The following KCNH1 variants were observed in gnomAD, a reference collection of about 807,000 sequenced individuals.
KCNH1 encodes the protein potassium voltage-gated channel subfamily H member 1.
A neutral mutation model predicts 69.2 loss-of-function variants in KCNH1; 27 were observed. The observed-to-expected ratio is 0.39, with a 90% CI of 0.29 to 0.54. KCNH1 has a LOEUF of 0.54. KCNH1 is among the 20% of genes least tolerant of loss of function. The pLI, the probability that KCNH1 is intolerant of heterozygous loss-of-function variation, is 0.68. For synonymous variants in KCNH1, 456 were observed against 487.7 expected (o/e 0.93, Z 0.86); for missense variants, 798 against 1,261.6 (o/e 0.63, Z 5.57).
At chr1:210,703,664 C>T (rs995455540) in intron 10 of KCNH1, among the ~76,000 whole-genome samples, 1 of 152,182 alleles carries the variant, frequency 6.6e-6, no homozygotes, top group Non-Finnish European at 1.5e-5. Context: ...TAAATGCTGC[C>T]TTCCTAACTA....
chr1:210,994,236 T>A (rs556607230), intron 6 of KCNH1, among the ~76,000 whole-genome samples: 61 of 152,330 alleles, frequency 4.0e-4, no homozygotes, highest in Admixed American at 1.3e-3. Context: ...TTCTGTAGAC[T>A]TGTTTTTTCT....
chr1:210,965,722 G>A (rs1019926609), intron 6 of KCNH1, among the ~76,000 whole-genome samples: 2 of 152,104 alleles, frequency 1.3e-5, no homozygotes, highest in Non-Finnish European at 2.9e-5. Context: ...ACTGCTCAAG[G>A]AAATAAGAGA....
intron 6 of KCNH1, among the ~76,000 whole-genome samples, chr1:210,946,256 T>G (rs1687956464): frequency 6.6e-6 from 1 of 152,110 alleles, no homozygotes; most frequent in Non-Finnish European, 1.5e-5. Flanking sequence ...CTGTGGGAAC[T>G]TAGGGAGCAC....
chr1:211,016,906 C>G, intron 6 of KCNH1, among the ~76,000 whole-genome samples: 1 of 13,924 alleles, frequency 7.2e-5, no homozygotes, highest in Admixed American at 8.8e-4. Flanking sequence ...AAGACTCTGT[C>G]TCAAAAAAAA....
intron 10 of KCNH1, among the ~76,000 whole-genome samples, chr1:210,706,375 C>A (rs1255780151): frequency 6.6e-6 from 1 of 152,208 alleles, no homozygotes; most frequent in Non-Finnish European, 1.5e-5. Flanking sequence ...TTAATATTTG[C>A]AGGAGCAAAA....
chr1:210,846,484 A>G (rs1455136279), intron 7 of KCNH1, among the ~76,000 whole-genome samples: 5 of 152,154 alleles, frequency 3.3e-5, no homozygotes, highest in Non-Finnish European at 7.4e-5. Flanking sequence ...TGGGGAAAGG[A>G]TTCCCTATTT....
At chr1:210,777,871 T>C (rs1382499398) in intron 9 of KCNH1, among the ~76,000 whole-genome samples, 1 of 152,238 alleles carries the variant, frequency 6.6e-6, no homozygotes, top group Non-Finnish European at 1.5e-5. Context: ...CTGACTGGCC[T>C]CAACCAATAG....
intron 1 of KCNH1, among the ~76,000 whole-genome samples, chr1:211,128,865 G>A (rs1457279542): frequency 6.6e-6 from 1 of 152,166 alleles, no homozygotes; most frequent in African/African-American, 2.4e-5. Context: ...CCAAATGACA[G>A]CAACAAAGGG....
At chr1:211,079,816 CT>C (rs1265574288) in intron 5 of KCNH1, among the ~76,000 whole-genome samples, 1 of 152,142 alleles carries the variant, frequency 6.6e-6, no homozygotes, top group Non-Finnish European at 1.5e-5. Flanking sequence ...TGGAATGTAT[CT>C]CAAAATAATA....
chr1:210,680,881 C>T lies in KCNH1; in HGVS notation c.*2400G>A, dbSNP rs1681248237. 6.6e-6 allele frequency: 1 copy of T among 152,162 alleles called. No individual in the cohort carries two copies. Among genetic ancestry groups the T allele is most frequent in the Non-Finnish European group, 1.5e-5 (1 of 68,044 alleles). 9.4% of individuals were successfully genotyped at this position (152,162 alleles called of 1,614,324 possible). A position where few individuals can be genotyped will look rare whatever the true frequency, so the allele number is the denominator to read the frequency against. The stretch of plus-strand genomic sequence containing the variant: ...CATTCCCCCCAAGAACATGTCTGGA[C>T]TTCAAAGCCTTATACCATCTTTGCC... On this transcript the variant is annotated 3_prime_UTR_variant, in exon 11 of 11. Transcript: ENST00000271751.
intron 10 of KCNH1, among the ~76,000 whole-genome samples, chr1:210,692,980 C>T (rs148767389): frequency 7.2e-5 from 11 of 152,304 alleles, no homozygotes; most frequent in East Asian, 1.9e-4. Context: ...CCTCCCCTAA[C>T]GGAGGCCCTG....
At position 210,842,085 on chromosome 1, in the gene KCNH1, G is replaced by T. The variant is rs768918886; in HGVS notation, c.1463-37919C>A. Among the ~76,000 whole-genome samples the T allele has an allele frequency of 1.5e-3, 223 of 152,230 alleles. 1 individual carries two copies. The highest frequency in any genetic ancestry group is 1.8e-3 in the Non-Finnish European group (123 of 68,010). On this transcript the variant is annotated intron_variant, in intron 7 of 10. Transcript: ENST00000271751. ...CTGACCCAACACACACCTACTCAGT[G>T]AATCTGATGTACTTGCAAATTTGGC...
At chr1:210,915,263 C>T (rs1424607637) in intron 7 of KCNH1, among the ~76,000 whole-genome samples, 1 of 152,178 alleles carries the variant, frequency 6.6e-6, no homozygotes, top group Non-Finnish European at 1.5e-5. Flanking sequence ...TATCCACCTC[C>T]ATCACCCAGA....
intron 5 of KCNH1, among the ~76,000 whole-genome samples, chr1:211,045,890 A>G (rs1690087832): frequency 6.6e-6 from 1 of 152,016 alleles, no homozygotes; most frequent in Non-Finnish European, 1.5e-5. Context: ...CTGCTTCTCT[A>G]AGTTTGACTA....
chr1:211,061,434 T>C (rs1373709360), intron 5 of KCNH1, among the ~76,000 whole-genome samples: 1 of 152,174 alleles, frequency 6.6e-6, no homozygotes, highest in Non-Finnish European at 1.5e-5. Context: ...ACCACTGTTA[T>C]TCAACATAGT....
intron 6 of KCNH1, among the ~76,000 whole-genome samples, chr1:210,926,255 C>A (rs1229238223): frequency 6.6e-6 from 1 of 150,760 alleles, no homozygotes; most frequent in Non-Finnish European, 1.5e-5. Flanking sequence ...AAGAGCAAAA[C>A]TCCATCTAAA....
chr1:210,778,140 T>G (rs140077040), intron 9 of KCNH1, among the ~76,000 whole-genome samples: 1 of 152,324 alleles, frequency 6.6e-6, no homozygotes, highest in Non-Finnish European at 1.5e-5. Flanking sequence ...AGCCTTCAGA[T>G]GACTATAGCC....
chr1:211,054,241 C>T (rs1690263337), intron 5 of KCNH1, among the ~76,000 whole-genome samples: 1 of 151,958 alleles, frequency 6.6e-6, no homozygotes, highest in African/African-American at 2.4e-5. Flanking sequence ...AAGATGGCGT[C>T]CCTGCACTCT....
chr1:211,002,877 G>A (rs1689214838), intron 6 of KCNH1, among the ~76,000 whole-genome samples: 1 of 152,134 alleles, frequency 6.6e-6, no homozygotes, highest in South Asian at 2.1e-4. Flanking sequence ...GGAGCAAAGA[G>A]AATGTCAAGT....
Sources: gnomAD v4.1 joint callset for allele counts (sites outside exome capture counted in the v4.1 genomes callset) on GRCh38, gnomAD v4.1.1 for gene constraint, MANE v1.5 for transcripts, NCBI Gene and HGNC (gene_info 2026-07-23, HGNC 2026-07-21) for gene names.